The following NPAS3 variants were observed in gnomAD, a reference collection of about 807,000 sequenced individuals.
NPAS3 encodes neuronal PAS domain protein 3, also known as neuronal PAS domain-containing protein 3.
In NPAS3, 14 loss-of-function variants were observed where a neutral mutation model predicts 73.1. The ratio of observed to expected loss-of-function variants is 0.19; its 90% confidence interval spans 0.13 to 0.30. NPAS3 has a LOEUF of 0.30. Among genes scored for constraint, NPAS3 ranks in the 10% least tolerant of loss-of-function variants. NPAS3 has a pLI of 1.00. For synonymous variants in NPAS3, 620 were observed against 541.5 expected (o/e 1.14, Z -2.01); for missense variants, 1,096 against 1,250.0 (o/e 0.88, Z 1.86).
intron 3 of NPAS3, among the ~76,000 whole-genome samples, chr14:33,219,318 C>G (rs2047337451): frequency 6.6e-6 from 1 of 152,182 alleles, no homozygotes; most frequent in Admixed American, 6.5e-5. Context: ...ATATCACAGA[C>G]TTCAGTCAAT....
intron 4 of NPAS3, among the ~76,000 whole-genome samples, chr14:33,467,972 G>A (rs780402372): frequency 8.5e-5 from 13 of 152,222 alleles, no homozygotes; most frequent in Admixed American, 2.0e-4. Context: ...TTTCAGTCTT[G>A]AATTGAGCAA....
intron 3 of NPAS3, among the ~76,000 whole-genome samples, chr14:33,261,142 C>T (rs1288562078): frequency 6.6e-6 from 1 of 151,926 alleles, no homozygotes; most frequent in Non-Finnish European, 1.5e-5. Flanking sequence ...TGTCAAATAC[C>T]ACCTCTTCAG....
chr14:33,026,659 G>A (rs1255959739), intron 1 of NPAS3, among the ~76,000 whole-genome samples: 1 of 151,866 alleles, frequency 6.6e-6, no homozygotes, highest in Non-Finnish European at 1.5e-5. Context: ...TCCTAACAGT[G>A]AATTTACTGT....
intron 3 of NPAS3, among the ~76,000 whole-genome samples, chr14:33,253,244 A>G (rs1395371633): frequency 6.6e-6 from 1 of 152,082 alleles, no homozygotes; most frequent in Non-Finnish European, 1.5e-5. Context: ...TCAACAGTGT[A>G]TAAATGTTCC....
At chr14:32,942,431 A>G (rs1446631294) in intron 1 of NPAS3, among the ~76,000 whole-genome samples, 2 of 152,200 alleles carry the variant, frequency 1.3e-5, no homozygotes, top group East Asian at 1.9e-4. Flanking sequence ...TGCTCCTTAC[A>G]TTTCTCTGAA....
At chr14:33,764,627 C>T (rs1469968018) in intron 7 of NPAS3, among the ~76,000 whole-genome samples, 1 of 152,036 alleles carries the variant, frequency 6.6e-6, no homozygotes, top group Non-Finnish European at 1.5e-5. Flanking sequence ...AATACAATTG[C>T]CGTGTGTAAT....
At chr14:33,454,565 T>C (rs1193652271) in intron 4 of NPAS3, among the ~76,000 whole-genome samples, 1 of 152,204 alleles carries the variant, frequency 6.6e-6, no homozygotes, top group African/African-American at 2.4e-5. Context: ...TTGGATATCT[T>C]ATCCCAGACC....
chr14:33,569,861 A>G (rs2056131011), intron 5 of NPAS3, among the ~76,000 whole-genome samples: 1 of 152,202 alleles, frequency 6.6e-6, no homozygotes, highest in South Asian at 2.1e-4. Flanking sequence ...GGGGAGACGC[A>G]GAAATATTTC....
At position 33,413,309 on chromosome 14, in the gene NPAS3, C is replaced by G. The variant is rs139679905; in HGVS notation, c.468+46041C>G. 2.0e-3 allele frequency among the ~76,000 whole-genome samples: 309 copies of G among 151,730 alleles called. 1 individual carries two copies. Among genetic ancestry groups the G allele is most frequent in the African/African-American group, 7.1e-3 (295 of 41,340 alleles). ...TTTTAATTTCATTTGCTACCGATAG[C>G]ACTTTTTTATTGTTTTCTGAGCCCC... On this transcript the variant is annotated intron_variant, in intron 4 of 11. Transcript: ENST00000356141.
intron 6 of NPAS3, among the ~76,000 whole-genome samples, chr14:33,733,620 G>A (rs909567117): frequency 1.1e-4 from 17 of 152,266 alleles, no homozygotes; most frequent in Middle Eastern, 3.4e-3. Flanking sequence ...AGCTGTTGGC[G>A]TATTATGGCG....
chr14:32,984,662 TTGTGTTTGTA>T (rs1459030827), intron 1 of NPAS3, among the ~76,000 whole-genome samples: 1 of 152,208 alleles, frequency 6.6e-6, no homozygotes, highest in Non-Finnish European at 1.5e-5. Flanking sequence ...AGGAATACTA[TTGTGTTTGTA>T]TGTGTTTTTT....
chr14:33,273,036 T>G (rs1303372500), intron 3 of NPAS3, among the ~76,000 whole-genome samples: 2 of 152,206 alleles, frequency 1.3e-5, no homozygotes, highest in African/African-American at 4.8e-5. Flanking sequence ...TTGCCACCTG[T>G]GGATCTTTCT....
At chr14:33,087,499 C>T (rs1197274474) in intron 2 of NPAS3, among the ~76,000 whole-genome samples, 1 of 151,878 alleles carries the variant, frequency 6.6e-6, no homozygotes, top group Non-Finnish European at 1.5e-5. Context: ...TGCACTACAA[C>T]TATAAAAAAT....
chr14:33,037,657 C>T (rs369139403), intron 1 of NPAS3, among the ~76,000 whole-genome samples: 1 of 151,952 alleles, frequency 6.6e-6, no homozygotes, highest in Non-Finnish European at 1.5e-5. Flanking sequence ...CGGAGGCAGA[C>T]CCTGTCTCGA....
Position 33,800,913 on chromosome 14 carries a change from T to A in NPAS3, c.2606T>A (p.Met869Lys). Residue 869 changes from methionine (M) to lysine (K), a missense_variant, in exon 12 of 12, where the codon ATG (methionine) becomes AAG (lysine). Transcript: ENST00000356141. The surrounding 1 kb of genome is among the most constrained non-coding windows in gnomAD (Gnocchi z 6.5). ...TTTGGCCTCGACCCCAAGACGCCCA[T>A]GGAGATGCTCTACCACCACGTGCAC... is the stretch of plus-strand genomic sequence containing the variant. The A allele has an allele frequency of 6.2e-7, 1 of 1,608,806 alleles. No homozygotes were observed. The highest frequency in any genetic ancestry group is 1.3e-5 in the African/African-American group (1 of 74,866).
chr14:33,448,162 C>T (rs1406541838), intron 4 of NPAS3, among the ~76,000 whole-genome samples: 2 of 152,128 alleles, frequency 1.3e-5, no homozygotes, highest in Non-Finnish European at 1.5e-5. Flanking sequence ...AAAGATGGGA[C>T]TGATTAGGGT....
chr14:33,551,216 TA>T (rs2055097167), intron 4 of NPAS3, among the ~76,000 whole-genome samples: 1 of 152,204 alleles, frequency 6.6e-6, no homozygotes, highest in African/African-American at 2.4e-5. Flanking sequence ...TTCCTAGAAA[TA>T]AAACACATGA....
At chr14:33,056,267 T>C (rs1186240641) in intron 2 of NPAS3, among the ~76,000 whole-genome samples, 6 of 152,228 alleles carry the variant, frequency 3.9e-5, no homozygotes, top group Non-Finnish European at 8.8e-5. Context: ...TTAGGTAAGC[T>C]TCTTTATATT....
At chr14:33,039,277 CAT>C (rs1397761038) in intron 1 of NPAS3, among the ~76,000 whole-genome samples, 1 of 152,116 alleles carries the variant, frequency 6.6e-6, no homozygotes, top group Non-Finnish European at 1.5e-5. Context: ...CTTCCTACAA[CAT>C]AGTTACATTT....
Sources: allele counts gnomAD v4.1 joint callset (sites outside exome capture counted in the v4.1 genomes callset), GRCh38; gene constraint gnomAD v4.1.1; non-coding constraint Gnocchi (gnomAD v3.1); transcripts MANE v1.5; gene names NCBI Gene and HGNC (gene_info 2026-07-23, HGNC 2026-07-21).